The following SLC25A39 variants were observed in gnomAD, a reference collection of about 807,000 sequenced individuals.
SLC25A39 encodes mitochondrial glutathione transporter SLC25A39.
A neutral mutation model predicts 46.6 loss-of-function variants in SLC25A39; 44 were observed. The ratio of observed to expected loss-of-function variants is 0.94; its 90% CI spans 0.74 to 1.21. The LOEUF (loss-of-function observed/expected upper bound fraction) is 1.21. Among genes scored for constraint, SLC25A39 ranks in the 50% most tolerant of loss-of-function variants. The pLI is 0.00. For missense variants in SLC25A39, 487 were observed against 473.0 expected (o/e 1.03, Z -0.28); for synonymous variants, 218 against 190.6 (o/e 1.14, Z -1.19).
In SLC25A39 at chr17:44,319,632, TTCA is replaced by T. The variant is rs2144711518; in HGVS notation, c.*366_*368del. ...CAGAGGGACAGGCACCAGGCAGAAG[TTCA>T]TCATCTTTAGACTTAAGGAATTAAC... On this transcript the variant is annotated 3_prime_UTR_variant, in exon 12 of 12. Transcript: ENST00000377095. 2 of 235,034 alleles carry T rather than the reference TTCA, an allele frequency of 8.5e-6. No homozygotes were observed. Among genetic ancestry groups the T allele is most frequent in the East Asian group, 2.3e-4 (2 of 8,860 alleles). The allele number at this position is 235,034 out of a possible 1,614,324, so 14.6% of individuals were successfully genotyped here. A position where few individuals can be genotyped will look rare whatever the true frequency, so the allele number is the denominator to read the frequency against.
chr17:44,323,204 T>G, intron 3 of SLC25A39, 80 bp downstream of exon 3: 240 of 1,545,606 alleles, frequency 1.6e-4, no homozygotes, highest in Non-Finnish European at 2.0e-4. Flanking sequence ...ATTACAGGTA[T>G]GAGAAACCAC....
chr17:44,322,144 G>C (rs1259484357), intron 5 of SLC25A39, among the ~76,000 whole-genome samples: 1 of 152,180 alleles, frequency 6.6e-6, no homozygotes, highest in Non-Finnish European at 1.5e-5. Flanking sequence ...AGCTACTTCG[G>C]AGGCTGAGAC....
At chr17:44,322,928 T>C (rs942959055) in intron 3 of SLC25A39, 76 bp from the exon 4 acceptor site, 3 of 1,512,092 alleles carry the variant, frequency 2.0e-6, no homozygotes, top group African/African-American at 2.8e-5. Flanking sequence ...GAGATCTTTT[T>C]ATTTTATTTT....
Position 44,322,156 on chromosome 17 carries a change from G to A in SLC25A39, c.324+263C>T, listed in dbSNP as rs896312276. Among the ~76,000 whole-genome samples, 3 of 152,320 alleles carry A rather than the reference G, an allele frequency of 2.0e-5. No homozygotes were observed. In the Middle Eastern group the frequency reaches 0.01, roughly 518 times the overall value. ...CCCAGCTACTTCGGAGGCTGAGACA[G>A]GAGAACCACTTGAACCCAGGAGACA... On this transcript the variant is annotated intron_variant, in intron 5 of 11. Transcript: ENST00000377095.
In SLC25A39 at chr17:44,321,772, C is replaced by A. The variant is rs752647862; in HGVS notation, c.325-5G>T. The A allele has an allele frequency of 6.2e-7, 1 of 1,610,340 alleles. No homozygotes were observed. Among genetic ancestry groups the A allele is most frequent in the East Asian group, 2.2e-5 (1 of 44,788 alleles). ...CACGATCTTCACGAAGGCATCCTGG[C>A]CAAGCAGGCACCAGCCCAGGGGAAG... is the stretch of plus-strand genomic sequence containing the variant. On this transcript the variant is annotated splice_polypyrimidine_tract_variant and splice_region_variant and intron_variant, in intron 5 of 11. Transcript: ENST00000377095.
At chr17:44,323,439 A>AAGCCCCCCC in intron 2 of SLC25A39, 39 bp downstream of exon 2, 46 of 256,982 alleles carry the variant, frequency 1.8e-4, no homozygotes, top group Non-Finnish European at 2.3e-4. Context: ...GGTCTGCCCC[A>AAGCCCCCCC]TCCCCACCCG....
chr17:44,323,440 T>TGCCCCCCCCCCCCC, intron 2 of SLC25A39, 38 bp downstream of exon 2: 2 of 341,552 alleles, frequency 5.9e-6, no homozygotes, highest in Non-Finnish European at 8.9e-6. Flanking sequence ...GTCTGCCCCA[T>TGCCCCCCCCCCCCC]CCCCACCCGC....
rs200439373 is a variant in SLC25A39 at position 44,323,466 on chromosome 17, C to T, written c.85+12G>A. 7.6e-5 allele frequency: 118 copies of T among 1,545,626 alleles called. No homozygotes were observed. In the African/African-American group the frequency reaches 1.5e-3, roughly 19 times the overall value. On this transcript the variant is annotated intron_variant, in intron 2 of 11. Transcript: ENST00000377095. ...CCCCACCCGCCCCCACCCCACCTCCCCTAGGTCTTACTGAAGAGAGAGGTA... is the reference window on the plus strand; with the variant it reads ...CCCCACCCGCCCCCACCCCACCTCCTCTAGGTCTTACTGAAGAGAGAGGTA...
In SLC25A39 at chr17:44,320,430, C is replaced by T; in HGVS notation, c.808G>A (p.Ala270Thr). The T allele has an allele frequency of 1.9e-6, 3 of 1,613,584 alleles. No individual in the cohort carries two copies. The highest frequency in any genetic ancestry group is 2.5e-6 in the Non-Finnish European group (3 of 1,180,040). ...ACGTCAAAGGGTAGAGTCAGCACTG[C>T]AGCCACCTGGTGGGGTGGGCGGGGA... ...VAGGISGTVAAVLTLPFDVVK... is the reference protein window; with the variant it reads ...VAGGISGTVATVLTLPFDVVK... The change falls in exon 10 of 12, where the codon GCA (alanine) becomes ACA (threonine). Residue 270 changes from alanine (A) to threonine (T), a missense_variant. Physicochemically the swap from Ala to Thr is moderately conservative, Grantham distance 58. Transcript: ENST00000377095.
At position 44,320,271 on chromosome 17, in the gene SLC25A39, G is replaced by T. The variant is rs985051729; in HGVS notation, c.889C>A (p.Pro297Thr). 9 of 1,613,652 alleles carry T rather than the reference G, an allele frequency of 5.6e-6. No individual in the cohort carries two copies. The African/African-American group carries it at 9.3e-5, about 17-fold the overall frequency. The change falls in exon 11 of 12, where the codon CCC (proline) becomes ACC (threonine). Residue 297 changes from proline (P) to threonine (T), a missense_variant. Coordinates refer to ENST00000377095, the MANE Select transcript of SLC25A39 (RefSeq NM_001143780.3). ...LGAMEAVRVN[P>T]LHVDSTWLLL... ...AGCCAGGTGGAGTCCACATGCAGGGGGTTCACTGCAAACGCGAGGCCGGCT... is the reference window on the plus strand; with the variant it reads ...AGCCAGGTGGAGTCCACATGCAGGGTGTTCACTGCAAACGCGAGGCCGGCT...
At chr17:44,320,861 C>T in intron 8 of SLC25A39, 130 bp from the exon 9 acceptor site, 1 of 964,264 alleles carries the variant, frequency 1.0e-6, no homozygotes, top group Non-Finnish European at 1.5e-6. Context: ...CAGAAGCAGG[C>T]ACTCTGTAGG....
At chr17:44,322,306 A>G in intron 5 of SLC25A39, 113 bp downstream of exon 5, 1 of 1,192,808 alleles carries the variant, frequency 8.4e-7, no homozygotes, top group Non-Finnish European at 1.2e-6. Flanking sequence ...TCCTGACGGA[A>G]CCGGCTACCT....
Position 44,322,565 on chromosome 17 carries a change from AG to A in SLC25A39, c.191-14del. 1 of 1,613,324 alleles carries A rather than the reference AG, an allele frequency of 6.2e-7. No homozygotes were observed. The highest frequency in any genetic ancestry group is 8.5e-7 in the Non-Finnish European group (1 of 1,179,660). Reference sequence around the variant, plus strand: ...AGAGAGGAGGGCACTGGGGAAAGGCAGGGGGCATTATAATGACAGGATCCTA... The same window carrying A: ...AGAGAGGAGGGCACTGGGGAAAGGCAGGGGCATTATAATGACAGGATCCTA... On this transcript the variant is annotated splice_polypyrimidine_tract_variant and intron_variant, in intron 4 of 11. Transcript: ENST00000377095.
At chr17:44,323,639 C>T (rs1325454946) in intron 1 of SLC25A39, 62 bp from the exon 2 acceptor site, 7 of 1,227,258 alleles carry the variant, frequency 5.7e-6, no homozygotes, top group Non-Finnish European at 8.0e-6. Context: ...GGCTGGGCCA[C>T]TGTGAGACTT....
rs143955536 is a variant in SLC25A39 at position 44,320,510 on chromosome 17, C to T, written c.802-74G>A. The T allele has an allele frequency of 8.7e-3, 13,875 of 1,593,774 alleles. 77 individuals carry two copies. The highest frequency in any genetic ancestry group is 0.01 in the Non-Finnish European group (11,905 of 1,163,396). The stretch of plus-strand genomic sequence containing the variant: ...ACCCCTACCTCCCAGATGGCTCTTG[C>T]GGCTGGGAGGGACAAAGGCCTCATG... On this transcript the variant is annotated intron_variant, in intron 9 of 11. Transcript: ENST00000377095.
chr17:44,322,455 G>A lies in SLC25A39; in HGVS notation c.288C>T (p.Thr96=), dbSNP rs2048077495. The A allele has an allele frequency of 1.2e-6, 2 of 1,614,044 alleles. No individual in the cohort carries two copies. The highest frequency in any genetic ancestry group is 2.7e-5 in the African/African-American group (2 of 74,912). ...TGAAGCGGGTAGGGTCTTGAAACCA[G>A]GTGGCACAGCGGGCACCATTTGGGC... ...YLCPNGARCA[T]WFQDPTRFTG... The change falls in exon 5 of 12, where the codon ACC becomes ACT. Residue 96 remains threonine, a synonymous_variant. Transcript: ENST00000377095.
chr17:44,322,066 C>T (rs540908822), intron 5 of SLC25A39, among the ~76,000 whole-genome samples: 22 of 152,252 alleles, frequency 1.4e-4, no homozygotes, highest in South Asian at 6.2e-4. Context: ...CTGGCCAACA[C>T]GGCAAAACCC....
Position 44,323,498 on chromosome 17 carries a change from GC to G in SLC25A39, c.64del (p.Ala22LeufsTer8). ...CTTACTGAAGAGAGAGGTAACCACA[GC>G]CCCGGTGCCTGAGGCCACCATTTGC... ...LQQMVASGTG[A>X]VVTSLFMTPL... is the part of the protein sequence containing the mutation. On this transcript the variant is annotated frameshift_variant, in exon 2 of 12. Coordinates refer to ENST00000377095, the MANE Select transcript of SLC25A39 (RefSeq NM_001143780.3). LOFTEE classifies it high-confidence loss of function. The G allele has an allele frequency of 7.3e-7, 1 of 1,365,448 alleles. No individual in the cohort carries two copies. Among genetic ancestry groups the G allele is most frequent in the Non-Finnish European group, 9.6e-7 (1 of 1,037,790 alleles). The allele number at this position is 1,365,448 out of a possible 1,614,324, so 84.6% of individuals were successfully genotyped here. A position where few individuals can be genotyped will look rare whatever the true frequency, so the allele number is the denominator to read the frequency against.
intron 2 of SLC25A39, 39 bp downstream of exon 2, chr17:44,323,439 A>AGCCCCCC: frequency 6.2e-5 from 16 of 257,072 alleles, no homozygotes; most frequent in Middle Eastern, 1.3e-3. Flanking sequence ...GGTCTGCCCC[A>AGCCCCCC]TCCCCACCCG....
Sources: gnomAD v4.1 joint callset for allele counts (sites outside exome capture counted in the v4.1 genomes callset) on GRCh38, gnomAD v4.1.1 for gene constraint, MANE v1.5 for transcripts, NCBI Gene and HGNC (gene_info 2026-07-23, HGNC 2026-07-21) for gene names.